TBCK: variants seen among roughly 807,000 people sequenced by gnomAD.
The protein encoded by TBCK is TBC1 domain containing kinase.
A neutral mutation model predicts 113.4 loss-of-function variants in TBCK; 99 were observed. The observed-to-expected ratio is 0.87, with a 90% confidence interval of 0.74 to 1.03. TBCK has a LOEUF of 1.03. Ranked by LOEUF, TBCK falls within the 50% of genes least tolerant of loss-of-function variation. The probability of loss-of-function intolerance (pLI) is 0.00; values close to 1 mark genes in which losing one functional copy is unlikely to be tolerated. For missense variants in TBCK, 1,045 were observed against 1,061.3 expected (o/e 0.98, Z 0.21); for synonymous variants, 369 against 370.8 (o/e 1.00, Z 0.05).
At chr4:106,145,926 A>G (rs1747738705) in intron 23 of TBCK, among the ~76,000 whole-genome samples, 1 of 152,184 alleles carries the variant, frequency 6.6e-6, no homozygotes, top group South Asian at 2.1e-4. Flanking sequence ...AGAAAAGGGA[A>G]CACTTACACA....
At chr4:106,050,019 A>G (rs185270693) in intron 25 of TBCK, among the ~76,000 whole-genome samples, 5 of 152,104 alleles carry the variant, frequency 3.3e-5, no homozygotes, top group African/African-American at 1.2e-4. Context: ...ATATGTGGAG[A>G]GCAAGTCACT....
At chr4:106,054,008 C>A (rs1560583509) in intron 25 of TBCK, among the ~76,000 whole-genome samples, 1 of 151,790 alleles carries the variant, frequency 6.6e-6, no homozygotes, top group South Asian at 2.1e-4. Flanking sequence ...ATCAACTGGT[C>A]TCCCCTGCCT....
At chr4:106,218,951 CAA>C (rs1337627621) in intron 19 of TBCK, among the ~76,000 whole-genome samples, 2 of 151,848 alleles carry the variant, frequency 1.3e-5, no homozygotes, top group African/African-American at 4.8e-5. Context: ...TTCACGATAG[CAA>C]AGACTTGGAA....
intron 24 of TBCK, among the ~76,000 whole-genome samples, chr4:106,100,878 C>G (rs1192679002): frequency 2.6e-5 from 4 of 152,138 alleles, no homozygotes; most frequent in African/African-American, 9.7e-5. Flanking sequence ...TCTGTCTCAC[C>G]TTCTCTGGGC....
At chr4:106,150,630 T>C (rs1472050657) in intron 23 of TBCK, among the ~76,000 whole-genome samples, 2 of 152,084 alleles carry the variant, frequency 1.3e-5, no homozygotes, top group African/African-American at 2.4e-5. Context: ...ACCAACTATA[T>C]GCTAGGGGCT....
intron 24 of TBCK, among the ~76,000 whole-genome samples, chr4:106,109,561 C>T (rs1345681573): frequency 6.6e-6 from 1 of 152,180 alleles, no homozygotes; most frequent in African/African-American, 2.4e-5. Flanking sequence ...GATGGAATAA[C>T]TGGCTAGTCA....
intron 20 of TBCK, among the ~76,000 whole-genome samples, chr4:106,204,183 G>A (rs1190857887): frequency 1.3e-5 from 2 of 152,148 alleles, no homozygotes; most frequent in South Asian, 4.1e-4. Context: ...ACTTCATTAT[G>A]AGGTAGAATT....
intron 22 of TBCK, among the ~76,000 whole-genome samples, chr4:106,191,303 C>T (rs903476039): frequency 6.6e-5 from 10 of 152,012 alleles, no homozygotes; most frequent in Non-Finnish European, 7.4e-5. Context: ...CCATCGATAC[C>T]GGGGGATGAC....
At chr4:106,079,747 C>A (rs62320126) in intron 25 of TBCK, among the ~76,000 whole-genome samples, 1 of 152,088 alleles carries the variant, frequency 6.6e-6, no homozygotes, top group Non-Finnish European at 1.5e-5. Context: ...TTGCCTGAGA[C>A]TGGGTATTCA....
chr4:106,191,013 C>A (rs931569433), intron 22 of TBCK, among the ~76,000 whole-genome samples: 3 of 152,184 alleles, frequency 2.0e-5, no homozygotes, highest in Non-Finnish European at 2.9e-5. Context: ...CTCTCTATAT[C>A]TATGGGTTCT....
chr4:106,260,626 A>T lies in TBCK; in HGVS notation c.382-116T>A, dbSNP rs116399110. On this transcript the variant is annotated intron_variant, in intron 4 of 25. Transcript: ENST00000394708. The stretch of plus-strand genomic sequence containing the variant: ...ATAACTAAAGAAACCATTATATAAC[A>T]ATATTTTATCAAAATGCCACTGTAG... 1,007 of 382,156 alleles carry T rather than the reference A, an allele frequency of 2.6e-3. 11 individuals carry two copies. The highest frequency in any genetic ancestry group is 0.02 in the African/African-American group (948 of 47,638). 23.7% of individuals were successfully genotyped at this position (382,156 alleles called of 1,614,324 possible). A position where few individuals can be genotyped will look rare whatever the true frequency, so the allele number is the denominator to read the frequency against.
rs575812500 is a variant in TBCK at position 106,047,472 on chromosome 4, C to A, written c.2572-792G>T. Among the ~76,000 whole-genome samples the A allele has an allele frequency of 5.3e-5, 8 of 152,242 alleles. No homozygotes were observed. In the East Asian group the frequency reaches 1.5e-3, roughly 29 times the overall value. On this transcript the variant is annotated intron_variant, in intron 25 of 25. Transcript: ENST00000394708. ...TGCTCCATTTCCCACCAATTCCTGT[C>A]CCCTCTTTAGCGCCTCCTCAATAGT...
At chr4:106,235,180 C>T in intron 15 of TBCK, 89 bp downstream of exon 15, 1 of 790,810 alleles carries the variant, frequency 1.3e-6, no homozygotes, top group Non-Finnish European at 1.8e-6. Flanking sequence ...TTTCTAATAA[C>T]TAGAAAAATA....
chr4:106,303,639 G>A lies in TBCK; in HGVS notation c.193+5129C>T, dbSNP rs561014312. Among the ~76,000 whole-genome samples, 21 of 152,190 alleles carry A rather than the reference G, an allele frequency of 1.4e-4. No homozygotes were observed. In the South Asian group the frequency reaches 4.4e-3, roughly 32 times the overall value. On this transcript the variant is annotated intron_variant, in intron 2 of 25. Coordinates refer to ENST00000394708, the MANE Select transcript of TBCK (RefSeq NM_001163435.3). ...GAAAACTGAGTTCTCAGCCATGATAGGACTTAGGGTCAGACAACCTCATTA... is the reference window on the plus strand; with the variant it reads ...GAAAACTGAGTTCTCAGCCATGATAAGACTTAGGGTCAGACAACCTCATTA...
chr4:106,296,519 T>C (rs1048711358), intron 2 of TBCK, among the ~76,000 whole-genome samples: 4 of 152,130 alleles, frequency 2.6e-5, no homozygotes, highest in African/African-American at 7.2e-5. Flanking sequence ...TCAGTAATGA[T>C]TGGATTAAGG....
At chr4:106,301,543 T>G (rs982329468) in intron 2 of TBCK, among the ~76,000 whole-genome samples, 1 of 152,206 alleles carries the variant, frequency 6.6e-6, no homozygotes, top group African/African-American at 2.4e-5. Flanking sequence ...TCTAATAAAA[T>G]GTTTGCCATT....
At chr4:106,182,955 T>C (rs1247553747) in intron 22 of TBCK, among the ~76,000 whole-genome samples, 1 of 152,122 alleles carries the variant, frequency 6.6e-6, no homozygotes, top group Non-Finnish European at 1.5e-5. Context: ...AGTAACTCAC[T>C]GATCCACGTT....
chr4:106,136,244 A>C (rs1281236191), intron 23 of TBCK, among the ~76,000 whole-genome samples: 1 of 140,804 alleles, frequency 7.1e-6, no homozygotes, highest in Non-Finnish European at 1.6e-5. Flanking sequence ...GGTAAATTAA[A>C]ACAATAAATA....
At chr4:106,092,198 G>T (rs1255894366) in intron 25 of TBCK, among the ~76,000 whole-genome samples, 4 of 152,182 alleles carry the variant, frequency 2.6e-5, no homozygotes, top group Admixed American at 6.5e-5. Flanking sequence ...CAAACCCTGA[G>T]CTAGACACAG....
Sources: gnomAD v4.1 joint callset for allele counts (sites outside exome capture counted in the v4.1 genomes callset) on GRCh38, gnomAD v4.1.1 for gene constraint, MANE v1.5 for transcripts, NCBI Gene and HGNC (gene_info 2026-07-23, HGNC 2026-07-21) for gene names.